Variants in ZNF544 observed in about 807,000 individuals in gnomAD.
ZNF544 encodes the protein zinc finger protein 544.
ZNF544 carries 10 observed loss-of-function variants against 13.5 expected under a neutral mutation model. That is an observed-to-expected ratio of 0.74 (90% CI 0.46 to 1.25). ZNF544 has a LOEUF of 1.25. Among genes scored for constraint, ZNF544 ranks in the 50% most tolerant of loss-of-function variants. The pLI, the probability that ZNF544 is intolerant of heterozygous loss-of-function variation, is 0.00. For missense variants in ZNF544, 896 were observed against 845.6 expected (o/e 1.06, Z -0.74); for synonymous variants, 323 against 300.5 (o/e 1.07, Z -0.77).
In ZNF544 at chr19:58,261,015, G is replaced by A. The variant is rs1411426792; in HGVS notation, c.409G>A (p.Glu137Lys). 3 of 1,613,988 alleles carry A rather than the reference G, an allele frequency of 1.9e-6. No homozygotes were observed. The highest frequency in any genetic ancestry group is 2.5e-6 in the Non-Finnish European group (3 of 1,180,050). Reference protein sequence around the residue: ...DQSNQLREHQENSLRFMVLTS... With the variant: ...DQSNQLREHQKNSLRFMVLTS... ...GAGCAACCAGTTAAGGGAACACCAG[G>A]AGAACTCCTTGAGGTTCATGGTACT... The change falls in exon 7 of 7, where the codon GAG (glutamate) becomes AAG (lysine). Residue 137 changes from glutamate (E) to lysine (K), a missense_variant. Transcript: ENST00000687789.
At chr19:58,272,974 G>A (rs945891832) in intron 5 of ZNF544, among the ~76,000 whole-genome samples, 16 of 152,006 alleles carry the variant, frequency 1.1e-4, no homozygotes, top group Non-Finnish European at 2.1e-4. Context: ...GCAAGTTCAG[G>A]AAATCGAGAC....
downstream of ZNF544, among the ~76,000 whole-genome samples, chr19:58,268,543 G>A (rs552206043): frequency 8.5e-5 from 13 of 152,290 alleles, no homozygotes; most frequent in African/African-American, 3.1e-4. Flanking sequence ...ATGGAACAAT[G>A]GCAAGAGCAC....
At position 58,248,281 on chromosome 19, in the gene ZNF544, T is replaced by C. The variant is rs112392872; in HGVS notation, c.244+1487T>C. On this transcript the variant is annotated intron_variant, in intron 6 of 6. Coordinates refer to ENST00000687789, the MANE Select transcript of ZNF544 (RefSeq NM_014480.4). ...TTCATGCTTTTTTTTTTCTTTTTTT[T>C]TTTTTTTTTTTGAGACAGTGATGCA... 4.9e-3 allele frequency among the ~76,000 whole-genome samples: 725 copies of C among 147,968 alleles called. 10 individuals carry two copies. Among genetic ancestry groups the C allele is most frequent in the African/African-American group, 0.016 (662 of 40,340 alleles).
intron 3 of ZNF544, among the ~76,000 whole-genome samples, chr19:58,232,946 C>CA (rs71190012): frequency 0.43 from 19,499 of 45,706 alleles, 4,778 homozygotes; most frequent in East Asian, 0.65. Flanking sequence ...GACTCCATCT[C>CA]AAAAAAAAAA....
chr19:58,268,278 G>A (rs2050188600), downstream of ZNF544, among the ~76,000 whole-genome samples: 7 of 152,080 alleles, frequency 4.6e-5, 2 homozygotes, highest in South Asian at 1.5e-3. Flanking sequence ...TCCAGCCTGG[G>A]CAACAAGAGT....
intron 6 of ZNF544, chr19:58,259,494 A>T (rs2048417102): frequency 6.6e-6 from 1 of 152,232 alleles, no homozygotes; most frequent in Non-Finnish European, 1.5e-5. Flanking sequence ...TCTGGAGGCC[A>T]CAAGTCCAAA....
chr19:58,265,796 C>A (rs1169473870), downstream of ZNF544, among the ~76,000 whole-genome samples: 4 of 151,772 alleles, frequency 2.6e-5, no homozygotes, highest in Non-Finnish European at 1.5e-5. Context: ...CCATGTTGCC[C>A]AGGCTGGTCT....
chr19:58,254,187 G>A (rs1455675670), intron 6 of ZNF544, among the ~76,000 whole-genome samples: 1 of 151,820 alleles, frequency 6.6e-6, no homozygotes, highest in East Asian at 1.9e-4. Flanking sequence ...TCACGACACT[G>A]CACTCCAGCC....
intron 6 of ZNF544, chr19:58,259,937 T>C (rs2147629716): frequency 1.3e-5 from 2 of 151,798 alleles, no homozygotes; most frequent in Admixed American, 1.3e-4. Flanking sequence ...CAAAATAAAA[T>C]AAAAATACTA....
At chr19:58,260,179 C>T (rs2048582839) in intron 6 of ZNF544, among the ~76,000 whole-genome samples, 2 of 152,196 alleles carry the variant, frequency 1.3e-5, no homozygotes, top group African/African-American at 4.8e-5. Flanking sequence ...TCACAGAGTC[C>T]AGGGGCTTAG....
intron 3 of ZNF544, chr19:58,242,228 G>A: frequency 4.1e-6 from 4 of 985,284 alleles, no homozygotes; most frequent in Non-Finnish European, 4.8e-6. Flanking sequence ...TGTGTTCCTG[G>A]CCAGAGTGAG....
rs373855300 is a variant in ZNF544 at position 58,262,792 on chromosome 19, C to T, written c.*38C>T. ...TGTGGGAAAGCTTTCATCCAGAGGT[C>T]TCCCCTCATCATGCACCAGAGGACG... On this transcript the variant is annotated 3_prime_UTR_variant, in exon 7 of 7. Coordinates refer to ENST00000687789, the MANE Select transcript of ZNF544 (RefSeq NM_014480.4). 2.2e-4 allele frequency: 340 copies of T among 1,553,486 alleles called. No homozygotes were observed. Among genetic ancestry groups the T allele is most frequent in the Non-Finnish European group, 2.8e-4 (318 of 1,149,622 alleles).
chr19:58,258,002 C>T (rs527572352), intron 6 of ZNF544: 1 of 152,392 alleles, frequency 6.6e-6, no homozygotes, highest in African/African-American at 2.4e-5. Context: ...GCTTACTTAT[C>T]TACCCTCCTC....
chr19:58,261,240 C>G lies in ZNF544; in HGVS notation c.634C>G (p.His212Asp). 1 of 1,614,146 alleles carries G rather than the reference C, an allele frequency of 6.2e-7. No homozygotes were observed. Residue 212 changes from histidine to aspartate, a missense_variant, in exon 7 of 7, where the codon CAC becomes GAC. Coordinates refer to ENST00000687789, the MANE Select transcript of ZNF544 (RefSeq NM_014480.4). ...NHEKNGADGKHCESHQCARAF... is the reference protein window; with the variant it reads ...NHEKNGADGKDCESHQCARAF... ...TGAGAAAAATGGAGCAGATGGGAAG[C>G]ACTGTGAGAGTCATCAGTGTGCTAG...
intron 4 of ZNF544, chr19:58,245,995 T>C: frequency 2.6e-6 from 1 of 379,352 alleles, no homozygotes. Flanking sequence ...TGCTCATAGT[T>C]CTGGAGGCTG....
Position 58,261,339 on chromosome 19 carries a change from A to T in ZNF544, c.733A>T (p.Ile245Phe). Residue 245 changes from isoleucine (I) to phenylalanine (F), a missense_variant, in exon 7 of 7, where the codon ATT (isoleucine) becomes TTT (phenylalanine). Physicochemically the swap from Ile to Phe is conservative, Grantham distance 21. Transcript: ENST00000687789. ...AGGAAAGAAAAACCCTTATGAATAT[A>T]TTGTCAGTGGTGACTCTCTCAACTA... ...ETGKKNPYEY[I>F]VSGDSLNYGS... 1 of 1,614,160 alleles carries T rather than the reference A, an allele frequency of 6.2e-7. No individual in the cohort carries two copies. Among genetic ancestry groups the T allele is most frequent in the Non-Finnish European group, 8.5e-7 (1 of 1,180,038 alleles).
rs147363281 is a variant in ZNF544 at position 58,261,340 on chromosome 19, T to C, written c.734T>C (p.Ile245Thr). 1.8e-4 allele frequency: 288 copies of C among 1,614,178 alleles called. 1 individual carries two copies. The African/African-American group carries it at 3.2e-3, about 18-fold the overall frequency. ...GGAAAGAAAAACCCTTATGAATATATTGTCAGTGGTGACTCTCTCAACTAT... is the reference window on the plus strand; with the variant it reads ...GGAAAGAAAAACCCTTATGAATATACTGTCAGTGGTGACTCTCTCAACTAT... ...ETGKKNPYEY[I>T]VSGDSLNYGS... Residue 245 changes from isoleucine (I) to threonine (T), a missense_variant, in exon 7 of 7, where the codon ATT becomes ACT. Transcript: ENST00000687789.
Position 58,261,854 on chromosome 19 carries a change from C to G in ZNF544, c.1248C>G (p.Ser416=), listed in dbSNP as rs745601905. The G allele has an allele frequency of 3.7e-6, 6 of 1,613,048 alleles. No homozygotes were observed. The highest frequency in any genetic ancestry group is 1.1e-5 in the South Asian group (1 of 91,040). ...KPYECDLCGK[S]FTQRSKLITH... ...ATGAGTGTGACCTGTGTGGGAAATC[C>G]TTCACCCAGAGATCCAAACTTATTA... is the stretch of plus-strand genomic sequence containing the variant. Residue 416 remains serine, a synonymous_variant, in exon 7 of 7, where the codon TCC becomes TCG. Transcript: ENST00000687789.
chr19:58,232,374 C>T (rs1429756726), intron 3 of ZNF544, among the ~76,000 whole-genome samples: 1 of 107,292 alleles, frequency 9.3e-6, no homozygotes, highest in Non-Finnish European at 1.8e-5. Context: ...TTTTTTGAGA[C>T]AGGGTCTCAC....
Sources: allele counts gnomAD v4.1 joint callset (sites outside exome capture counted in the v4.1 genomes callset), GRCh38; gene constraint gnomAD v4.1.1; transcripts MANE v1.5; gene names NCBI Gene and HGNC (gene_info 2026-07-23, HGNC 2026-07-21).